The following MYH4 variants were observed in gnomAD, a reference collection of about 807,000 sequenced individuals.
MYH4 encodes myosin-4.
Under a neutral mutation model 229.9 loss-of-function variants are expected in MYH4, and 200 were observed. The observed-to-expected ratio is 0.87, with a 90% CI of 0.78 to 0.98. The LOEUF (loss-of-function observed/expected upper bound fraction) is 0.98. Among genes scored for constraint, MYH4 ranks in the 50% least tolerant of loss-of-function variants. The probability of loss-of-function intolerance (pLI) is 0.00; values close to 1 mark genes in which losing one functional copy is unlikely to be tolerated. For synonymous variants in MYH4, 761 were observed against 834.6 expected, an observed-to-expected ratio of 0.91 and a Z score of 1.52; for missense variants, 2,148 against 2,332.6, an observed-to-expected ratio of 0.92 and a Z score of 1.63.
intron 7 of MYH4, among the ~76,000 whole-genome samples, chr17:10,464,244 C>T (rs1597424158): frequency 1.3e-5 from 2 of 152,086 alleles, no homozygotes; most frequent in South Asian, 2.1e-4. Flanking sequence ...GTCTAGCTCT[C>T]ACTTATAAGA....
chr17:10,449,129 G>C, intron 30 of MYH4, 82 bp from the exon 31 acceptor site: 1 of 1,198,258 alleles, frequency 8.3e-7, no homozygotes, highest in Non-Finnish European at 1.2e-6. Context: ...GACTAGGAAA[G>C]CATATTTCCC....
In MYH4 at chr17:10,452,271, T is replaced by C. The variant is rs1197636618; in HGVS notation, c.3408A>G (p.Ala1136=). Reference sequence around the variant, plus strand: ...GGGAGAGGTCAGAGCGCTGCTTCTCTGCTTTGGCCCGGGAGGCCCGCTCTG... The same window carrying C: ...GGGAGAGGTCAGAGCGCTGCTTCTCCGCTTTGGCCCGGGAGGCCCGCTCTG... The part of the protein sequence containing the change: ...IEAERASRAK[A]EKQRSDLSRE... The change falls in exon 27 of 40, where the codon GCA becomes GCG. Residue 1136 remains alanine, a synonymous_variant. Transcript: ENST00000255381. 4 of 1,614,082 alleles carry C rather than the reference T, an allele frequency of 2.5e-6. No homozygotes were observed. Among genetic ancestry groups the C allele is most frequent in the Admixed American group, 1.7e-5 (1 of 60,026 alleles).
rs776926558 is a variant in MYH4 at position 10,448,765 on chromosome 17, G to A, written c.4384C>T (p.Gln1462Ter). 5 of 1,613,738 alleles carry A rather than the reference G, an allele frequency of 3.1e-6. No homozygotes were observed. Among genetic ancestry groups the A allele is most frequent in the Admixed American group, 3.3e-5 (2 of 59,938 alleles). ...NFDKVLAEWK[Q>*]KYEETQAELE... ...TCAGCCTGAGTTTCCTCATACTTCT[G>A]TTTCCATTCTGCCAGAACCTGGAAG... Residue 1462 changes from glutamine (Q) to a stop codon, truncating the protein, a stop_gained, in exon 32 of 40, where the codon CAG becomes TAG. Coordinates refer to ENST00000255381, the MANE Select transcript of MYH4 (RefSeq NM_017533.2). LOFTEE classifies it high-confidence loss of function.
chr17:10,459,729 C>T (rs1229780811), intron 14 of MYH4, among the ~76,000 whole-genome samples: 1 of 151,962 alleles, frequency 6.6e-6, no homozygotes, highest in Non-Finnish European at 1.5e-5. Flanking sequence ...TAGATTTTGA[C>T]TATTTTAACC....
rs1458921103 is a variant in MYH4, at chr17:10,465,776, T to TC, written c.349-179_349-178insG. On this transcript the variant is annotated intron_variant, in intron 4 of 39. Coordinates refer to ENST00000255381, the MANE Select transcript of MYH4 (RefSeq NM_017533.2). ...ACAAAATGCTTCAGTTTTTCTTTTT[T>TC]TTTTTTTTTTTTTTTTGAGACGGAG... 1.5e-3 allele frequency among the ~76,000 whole-genome samples: 204 copies of TC among 139,146 alleles called. 2 individuals carry two copies. Among genetic ancestry groups the TC allele is most frequent in the East Asian group, 9.0e-3 (42 of 4,680 alleles). 91.3% of individuals were successfully genotyped at this position (139,146 alleles called of 152,430 possible).
chr17:10,444,586 C>T lies in MYH4; in HGVS notation c.5667+18G>A, dbSNP rs1161726746. On this transcript the variant is annotated intron_variant, in intron 39 of 39. Transcript: ENST00000255381. ...GATGTGCATCTGAACCTTTCATTTC[C>T]ACTGTGGAGATACTCACAGCCTCTT... is the stretch of plus-strand genomic sequence containing the variant. 6.2e-7 allele frequency: 1 copy of T among 1,604,012 alleles called. No individual in the cohort carries two copies.
intron 25 of MYH4, 93 bp downstream of exon 25, chr17:10,452,694 T>C (rs2072590899): frequency 1.4e-6 from 2 of 1,416,438 alleles, no homozygotes. Flanking sequence ...TTTCCATATG[T>C]CATGATGTAA....
At chr17:10,460,761 A>T (rs1182332611) in intron 12 of MYH4, among the ~76,000 whole-genome samples, 155 bp downstream of exon 12, 1 of 152,248 alleles carries the variant, frequency 6.6e-6, no homozygotes, top group African/African-American at 2.4e-5. Context: ...CAAATCTGCT[A>T]AATAATGTAA....
At chr17:10,455,762 G>A (rs371780277) in intron 18 of MYH4, 31 bp from the exon 19 acceptor site, 28 of 1,613,990 alleles carry the variant, frequency 1.7e-5, no homozygotes, top group African/African-American at 1.6e-4. Flanking sequence ...GCCATACTTC[G>A]TGGTCTATCG....
At chr17:10,469,251 C>A (rs538323207) in intron 2 of MYH4, 37 bp downstream of exon 2, 1 of 152,172 alleles carries the variant, frequency 6.6e-6, no homozygotes, top group Non-Finnish European at 1.5e-5. Context: ...ATAGAGATTC[C>A]TTTGTTCTTT....
rs962428874 is a variant in MYH4, at chr17:10,456,656, G to A, written c.1898-101C>T. The A allele has an allele frequency of 2.2e-5, 19 of 867,494 alleles. No individual in the cohort carries two copies. In the African/African-American group the frequency reaches 3.2e-4, roughly 14 times the overall value. 53.7% of individuals were successfully genotyped at this position (867,494 alleles called of 1,614,324 possible). A position where few individuals can be genotyped will look rare whatever the true frequency, so the allele number is the denominator to read the frequency against. On this transcript the variant is annotated intron_variant, in intron 16 of 39. Coordinates refer to ENST00000255381, the MANE Select transcript of MYH4 (RefSeq NM_017533.2). ...AAAATTCCCTTTAGAATTTAAATTT[G>A]CACTCATTCACTTGCATCATTCCTA...
Position 10,447,817 on chromosome 17 carries a change from C to A in MYH4, c.4965+1G>T, listed in dbSNP as rs1468439471. 1.2e-6 allele frequency: 2 copies of A among 1,604,542 alleles called. No homozygotes were observed. Among genetic ancestry groups the A allele is most frequent in the Non-Finnish European group, 1.7e-6 (2 of 1,174,972 alleles). On this transcript the variant is annotated splice_donor_variant, in intron 34 of 39. Transcript: ENST00000255381. LOFTEE classifies it high-confidence loss of function. Reference sequence around the variant, plus strand: ...CACTATGTGTATTTACCCCAGCATACCTTCAGTATTCCTTGTGTGTTTCTA... The same window carrying A: ...CACTATGTGTATTTACCCCAGCATAACTTCAGTATTCCTTGTGTGTTTCTA...
rs1215316326 is a variant in MYH4 at position 10,443,411 on chromosome 17, A to G, written c.5784T>C (p.Ser1928=). The G allele has an allele frequency of 6.2e-7, 1 of 1,613,820 alleles. No homozygotes were observed. Residue 1928 remains serine, a synonymous_variant, in exon 40 of 40, where the codon AGT becomes AGC. Transcript: ENST00000255381. The surrounding 1 kb of genome is among the most constrained non-coding windows in gnomAD (Gnocchi z 4.6). ...TTATGACTTTTGTGTGAACCTCCCG[A>G]CTCTTCACTCTCAGCTTGTTGACTT... ...ESQVNKLRVK[S]REVHTKVISE...
At position 10,457,656 on chromosome 17, in the gene MYH4, T is replaced by C. The variant is rs2072657167; in HGVS notation, c.1661A>G (p.Lys554Arg). ...TTTTCCAAGATGTTGTTCATACAGC[T>C]TGTTCTTGAAGGAGGTGTCTGTTGC... ...PKATDTSFKN[K>R]LYEQHLGKSN... The change falls in exon 16 of 40, where the codon AAG becomes AGG. Residue 554 changes from lysine (K) to arginine (R), a missense_variant. Physicochemically the swap from Lys to Arg is conservative, Grantham distance 26. Transcript: ENST00000255381. 8 of 1,614,102 alleles carry C rather than the reference T, an allele frequency of 5.0e-6. No homozygotes were observed. In the Admixed American group the frequency reaches 1.2e-4, roughly 24 times the overall value.
chr17:10,448,401 C>T lies in MYH4; in HGVS notation c.4651G>A (p.Ala1551Thr). The T allele has an allele frequency of 1.2e-6, 2 of 1,609,438 alleles. No individual in the cohort carries two copies. Among genetic ancestry groups the T allele is most frequent in the African/African-American group, 1.3e-5 (1 of 74,808 alleles). The part of the protein sequence containing the change: ...KSELQTSLEE[A>T]EASLEHEEGK... ...TAAGCAAATGAAAAATGTACCTCTG[C>T]TTCCTCTAGGGAAGTCTGTAGTTCA... Residue 1551 changes from alanine to threonine, a missense_variant, in exon 33 of 40, where the codon GCA becomes ACA. Ala to Thr is a moderately conservative substitution (Grantham distance 58, BLOSUM62 0). Transcript: ENST00000255381.
chr17:10,453,089 C>T, intron 24 of MYH4, 63 bp downstream of exon 24: 3 of 1,606,836 alleles, frequency 1.9e-6, no homozygotes, highest in South Asian at 1.1e-5. Context: ...ACTATCAGTG[C>T]TGGTTTCATG....
chr17:10,449,607 T>A (rs982834004), intron 30 of MYH4, among the ~76,000 whole-genome samples: 6 of 152,240 alleles, frequency 3.9e-5, no homozygotes, highest in Non-Finnish European at 7.3e-5. Flanking sequence ...AGTATGGTTC[T>A]GTTTATTTTG....
At position 10,447,973 on chromosome 17, in the gene MYH4, T is replaced by A; in HGVS notation, c.4810A>T (p.Thr1604Ser). The change falls in exon 34 of 40, where the codon ACA (threonine) becomes TCA (serine). Residue 1604 changes from threonine (T) to serine (S), a missense_variant. Transcript: ENST00000255381. ...CTGCTCCTGATCTCAGCATCCAGTG[T>A]ACTCTGCATTGACTCCACAACTCTG... The part of the protein sequence containing the change: ...HLRVVESMQS[T>S]LDAEIRSRND... The A allele has an allele frequency of 2.5e-6, 4 of 1,614,074 alleles. No individual in the cohort carries two copies. The highest frequency in any genetic ancestry group is 1.6e-4 in the Middle Eastern group (1 of 6,062).
chr17:10,460,888 A>C, intron 12 of MYH4, 28 bp downstream of exon 12: 1 of 1,612,718 alleles, frequency 6.2e-7, no homozygotes, highest in Non-Finnish European at 8.5e-7. Context: ...AGCTTTGTCA[A>C]GTGGAAGATA....
Sources: allele counts gnomAD v4.1 joint callset (sites outside exome capture counted in the v4.1 genomes callset), GRCh38; gene constraint gnomAD v4.1.1; non-coding constraint Gnocchi (gnomAD v3.1); transcripts MANE v1.5; gene names NCBI Gene and HGNC (gene_info 2026-07-23, HGNC 2026-07-21).